Variants in RPS6KA3 observed in about 807,000 individuals in gnomAD.
RPS6KA3 encodes ribosomal protein S6 kinase alpha-3.
In RPS6KA3, 4 loss-of-function variants were observed where a neutral mutation model predicts 67.2. The observed-to-expected ratio is 0.06, with a 90% CI of 0.03 to 0.14. The LOEUF is 0.14. Among genes scored for constraint, RPS6KA3 ranks in the 10% least tolerant of loss-of-function variants. The probability of loss-of-function intolerance (pLI) is 1.00; values close to 1 mark genes in which losing one functional copy is unlikely to be tolerated. For synonymous variants in RPS6KA3, 182 were observed against 183.7 expected, an observed-to-expected ratio of 0.99 and a Z score of 0.07; for missense variants, 204 against 559.0, an observed-to-expected ratio of 0.36 and a Z score of 6.40.
chrX:20,196,909 G>A (rs949909220), intron 4 of RPS6KA3, among the ~76,000 whole-genome samples: 1 of 111,322 alleles, frequency 9.0e-6, no homozygotes, highest in African/African-American at 3.3e-5. Flanking sequence ...GTGTGACCTC[G>A]GCTCGCTGCA....
At chrX:20,185,364 ATTTTCTTTTC>A (rs771638684) in intron 10 of RPS6KA3, among the ~76,000 whole-genome samples, 3 of 110,020 alleles carry the variant, frequency 2.7e-5, no homozygotes, top group Middle Eastern at 4.8e-3. Flanking sequence ...TGATCACTGG[ATTTTCTTTTC>A]TTTTCTTTTC....
intron 9 of RPS6KA3, 23 bp downstream of exon 9, chrX:20,187,805 A>T: frequency 8.4e-7 from 1 of 1,193,014 alleles, no homozygotes; most frequent in Non-Finnish European, 1.1e-6. Flanking sequence ...TCCCCTCTAA[A>T]AAATCCCAAA....
At chrX:20,200,727 A>G (rs1408962572) in intron 4 of RPS6KA3, among the ~76,000 whole-genome samples, 2 of 111,380 alleles carry the variant, frequency 1.8e-5, no homozygotes, top group Non-Finnish European at 3.8e-5. Context: ...ATCTCCCTCT[A>G]CCCAGGGTGG....
chrX:20,163,697 C>A (rs1441389088), intron 18 of RPS6KA3, among the ~76,000 whole-genome samples: 1 of 110,561 alleles, frequency 9.0e-6, no homozygotes. Context: ...GAGACAGGGT[C>A]TCACTCTGTC....
At chrX:20,207,577 C>A (rs2068602456) in intron 3 of RPS6KA3, among the ~76,000 whole-genome samples, 1 of 111,545 alleles carries the variant, frequency 9.0e-6, no homozygotes, top group South Asian at 3.7e-4. Context: ...GAGAAGAAGG[C>A]AGCCTAGAAT....
At chrX:20,168,993 T>C (rs986165014) in intron 16 of RPS6KA3, among the ~76,000 whole-genome samples, 2 of 110,976 alleles carry the variant, frequency 1.8e-5, no homozygotes, top group African/African-American at 3.3e-5. Flanking sequence ...GCTGCGACTA[T>C]AGGCATGAGC....
Position 20,266,627 on chromosome X carries a change from C to A in RPS6KA3, c.6G>T (p.Pro2=). ...GCCACGGGTCCGCCAGCTGCGCCAG[C>A]GGCATCTTCCCCCCCGGCCCGCCGC... The part of the protein sequence containing the change: M[P]LAQLADPWQK... Residue 2 remains proline (P), a synonymous_variant, in exon 1 of 22, where the codon CCG becomes CCT. Coordinates refer to ENST00000379565, the MANE Select transcript of RPS6KA3 (RefSeq NM_004586.3). 1 of 1,142,044 alleles carries A rather than the reference C, an allele frequency of 8.8e-7. No homozygotes were observed. Among genetic ancestry groups the A allele is most frequent in the South Asian group, 1.9e-5 (1 of 51,821 alleles). The allele number at this position is 1,142,044 out of a possible 1,213,427, so 94.1% of individuals were successfully genotyped here.
At chrX:20,220,698 CGT>C (rs1325355966) in intron 2 of RPS6KA3, among the ~76,000 whole-genome samples, 1 of 111,831 alleles carries the variant, frequency 8.9e-6, no homozygotes, top group Non-Finnish European at 1.9e-5. Context: ...TCACATTTTG[CGT>C]GTGTTATGGT....
At chrX:20,202,572 G>A (rs761072579) in intron 4 of RPS6KA3, among the ~76,000 whole-genome samples, 94 of 111,365 alleles carry the variant, frequency 8.4e-4, no homozygotes, top group Non-Finnish European at 1.1e-3. Flanking sequence ...TAAGTTTTAA[G>A]GAAAATGCAG....
intron 1 of RPS6KA3, among the ~76,000 whole-genome samples, chrX:20,252,971 T>C (rs1412022219): frequency 9.0e-6 from 1 of 110,892 alleles, no homozygotes; most frequent in African/African-American, 3.3e-5. Context: ...TTGTTAAGTG[T>C]CATTGCTTCT....
rs747840199 is a variant in RPS6KA3 at position 20,154,922 on chromosome X, G to A, written c.*476C>T. On this transcript the variant is annotated 3_prime_UTR_variant, in exon 22 of 22. Coordinates refer to ENST00000379565, the MANE Select transcript of RPS6KA3 (RefSeq NM_004586.3). The stretch of plus-strand genomic sequence containing the variant: ...AAAGAAAGCAGTACAGAAATGTACT[G>A]TATATGAACTGTTTACAAAAACATA... 2 of 184,321 alleles carry A rather than the reference G, an allele frequency of 1.1e-5. No homozygotes were observed. The highest frequency in any genetic ancestry group is 7.3e-5 in the Admixed American group (1 of 13,779). 15.2% of individuals were successfully genotyped at this position (184,321 alleles called of 1,213,427 possible).
At chrX:20,211,207 G>A (rs2068705403) in intron 2 of RPS6KA3, among the ~76,000 whole-genome samples, 1 of 111,059 alleles carries the variant, frequency 9.0e-6, no homozygotes, top group African/African-American at 3.3e-5. Flanking sequence ...GTAAACCTTA[G>A]AACAAGCATA....
Position 20,151,082 on chromosome X carries a change from A to C in RPS6KA3, c.*4316T>G, listed in dbSNP as rs1349214941. On this transcript the variant is annotated 3_prime_UTR_variant, in exon 22 of 22. Transcript: ENST00000379565. ...TACCAGGCTTAAGAAAATTAAGTTG[A>C]CTTAGTTACTAGAAATCTTTGAGAA... The C allele has an allele frequency of 1.8e-5, 2 of 112,702 alleles. No individual in the cohort carries two copies. Among genetic ancestry groups the C allele is most frequent in the Non-Finnish European group, 3.8e-5 (2 of 53,318 alleles). 9.3% of individuals were successfully genotyped at this position (112,702 alleles called of 1,213,427 possible). A position where few individuals can be genotyped will look rare whatever the true frequency, so the allele number is the denominator to read the frequency against.
intron 2 of RPS6KA3, among the ~76,000 whole-genome samples, chrX:20,223,759 A>C (rs1410321487): frequency 6.3e-5 from 7 of 111,461 alleles, no homozygotes; most frequent in African/African-American, 2.3e-4. Context: ...TTTATCTGTA[A>C]ATATTTGGGT....
At chrX:20,178,626 C>T (rs1412538213) in intron 10 of RPS6KA3, among the ~76,000 whole-genome samples, 2 of 97,417 alleles carry the variant, frequency 2.1e-5, no homozygotes, top group Non-Finnish European at 4.1e-5. Flanking sequence ...GTGTGTGCTA[C>T]CACACCTGGC....
At chrX:20,204,854 C>T (rs1383172597) in intron 3 of RPS6KA3, among the ~76,000 whole-genome samples, 3 of 111,280 alleles carry the variant, frequency 2.7e-5, no homozygotes, top group East Asian at 5.6e-4. Context: ...GAGCCGAGAT[C>T]GTACCATTGC....
At chrX:20,178,599 A>G (rs1279974975) in intron 10 of RPS6KA3, among the ~76,000 whole-genome samples, 1 of 97,810 alleles carries the variant, frequency 1.0e-5, no homozygotes, top group Admixed American at 1.1e-4. Flanking sequence ...CAGCCTCCCA[A>G]GTAGTTGGGA....
chrX:20,162,331 G>A (rs1203609640), intron 19 of RPS6KA3, among the ~76,000 whole-genome samples: 5 of 92,629 alleles, frequency 5.4e-5, no homozygotes, highest in Admixed American at 1.2e-4. Context: ...GCAAGACTCC[G>A]TCTCAAAAAA....
intron 4 of RPS6KA3, among the ~76,000 whole-genome samples, chrX:20,198,720 G>A (rs1181880673): frequency 8.9e-6 from 1 of 112,123 alleles, no homozygotes; most frequent in Non-Finnish European, 1.9e-5. Context: ...CAATTGCAAA[G>A]TTGAGACCTT....
Sources: allele counts gnomAD v4.1 joint callset (sites outside exome capture counted in the v4.1 genomes callset), GRCh38; gene constraint gnomAD v4.1.1; transcripts MANE v1.5; gene names NCBI Gene and HGNC (gene_info 2026-07-23, HGNC 2026-07-21).